The following DDX60L variants were observed in gnomAD, a reference collection of about 807,000 sequenced individuals.
The protein encoded by DDX60L is probable ATP-dependent RNA helicase DDX60-like.
In DDX60L, 191 loss-of-function variants were observed where a neutral mutation model predicts 211.6. That is an observed-to-expected ratio of 0.90 (90% CI 0.80 to 1.02). The LOEUF is 1.02. DDX60L is among the 50% of genes least tolerant of loss of function. The pLI is 0.00. For synonymous variants in DDX60L, 706 were observed against 694.1 expected, an observed-to-expected ratio of 1.02 and a Z score of -0.27; for missense variants, 2,007 against 1,984.1, an observed-to-expected ratio of 1.01 and a Z score of -0.22.
Position 168,457,952 on chromosome 4 carries a change from T to G in DDX60L, c.663A>C (p.Ile221=). The G allele has an allele frequency of 6.4e-7, 1 of 1,573,562 alleles. No homozygotes were observed. Among genetic ancestry groups the G allele is most frequent in the East Asian group, 2.3e-5 (1 of 43,834 alleles). Residue 221 remains isoleucine (I), a synonymous_variant, in exon 6 of 38, where the codon ATA becomes ATC. Coordinates refer to ENST00000682922, the MANE Select transcript of DDX60L (RefSeq NM_001012967.3). The part of the protein sequence containing the change: ...YKSLIQHLEE[I]RVLVLATHFE... ...AATGAGTTGCTAATACTAAAACCCT[T>G]ATTTCTTCCAAGTGTTGTATGAGGC...
In DDX60L at chr4:168,453,127, T is replaced by G; in HGVS notation, c.993A>C (p.Lys331Asn). The G allele has an allele frequency of 6.2e-7, 1 of 1,603,356 alleles. No homozygotes were observed. Among genetic ancestry groups the G allele is most frequent in the Non-Finnish European group, 8.5e-7 (1 of 1,175,984 alleles). Reference sequence around the variant, plus strand: ...AAAATAAACAAAATATGTTTACCATTTTTAAGAAAGAATCACTGTTCCTAA... The same window carrying G: ...AAAATAAACAAAATATGTTTACCATGTTTAAGAAAGAATCACTGTTCCTAA... ...SWIRNSDSFL[K>N]MNKWCEYFIL... The change falls in exon 8 of 38, where the codon AAA becomes AAC. Residue 331 changes from lysine (K) to asparagine (N), a missense_variant. Physicochemically the swap from Lys to Asn is moderately conservative, Grantham distance 94. Coordinates refer to ENST00000682922, the MANE Select transcript of DDX60L (RefSeq NM_001012967.3).
chr4:168,389,104 A>G (rs1052257483), intron 29 of DDX60L, among the ~76,000 whole-genome samples: 27 of 152,206 alleles, frequency 1.8e-4, no homozygotes, highest in African/African-American at 6.5e-4. Context: ...GCTTCCTGCT[A>G]TTCACAGCCT....
At chr4:168,389,836 C>T (rs1744485936) in intron 29 of DDX60L, among the ~76,000 whole-genome samples, 1 of 152,082 alleles carries the variant, frequency 6.6e-6, no homozygotes, top group African/African-American at 2.4e-5. Flanking sequence ...CATGACAAAA[C>T]TGAGATGCAT....
At position 168,471,772 on chromosome 4, in the gene DDX60L, C is replaced by G. The variant is rs372737743; in HGVS notation, c.239G>C (p.Gly80Ala). ...CYLVDLLSNG[G>A]QFTIVFFKDA... ...CTTAAAGAAAACTATGGTGAATTGT[C>G]CTCCGTTACTCAGAAGATCCACAAG... Residue 80 changes from glycine (G) to alanine (A), a missense_variant, in exon 4 of 38, where the codon GGA becomes GCA. Transcript: ENST00000682922. 3 of 1,603,340 alleles carry G rather than the reference C, an allele frequency of 1.9e-6. No individual in the cohort carries two copies. The highest frequency in any genetic ancestry group is 2.7e-5 in the African/African-American group (2 of 73,880).
chr4:168,392,455 A>G (rs937681642), intron 28 of DDX60L, among the ~76,000 whole-genome samples: 1 of 152,208 alleles, frequency 6.6e-6, no homozygotes, highest in South Asian at 2.1e-4. Flanking sequence ...AATTCAACCC[A>G]TTATTGGTTC....
intron 22 of DDX60L, among the ~76,000 whole-genome samples, chr4:168,409,390 C>T (rs1163227017): frequency 6.6e-6 from 1 of 152,134 alleles, no homozygotes; most frequent in Admixed American, 6.6e-5. Context: ...AGGTAACTTA[C>T]CTTAAATCAC....
chr4:168,406,790 C>T, intron 22 of DDX60L, 84 bp from the exon 23 acceptor site: 1 of 1,014,778 alleles, frequency 9.9e-7, no homozygotes, highest in Non-Finnish European at 1.4e-6. Context: ...CATGACTAAA[C>T]CCTCAAGTCT....
At position 168,423,797 on chromosome 4, in the gene DDX60L, T is replaced by C. The variant is rs773835097; in HGVS notation, c.1931-23A>G. On this transcript the variant is annotated intron_variant, in intron 14 of 37. Transcript: ENST00000682922. Reference sequence around the variant, plus strand: ...TGCCTTGTTAAAGAAACAATAAAATTGTTATAAAGAACACCAAAAATAACT... The same window carrying C: ...TGCCTTGTTAAAGAAACAATAAAATCGTTATAAAGAACACCAAAAATAACT... 1.1e-5 allele frequency: 16 copies of C among 1,490,038 alleles called. No homozygotes were observed. In the South Asian group the frequency reaches 1.6e-4, roughly 15 times the overall value. 92.3% of individuals were successfully genotyped at this position (1,490,038 alleles called of 1,614,324 possible). A position where few individuals can be genotyped will look rare whatever the true frequency, so the allele number is the denominator to read the frequency against.
chr4:168,449,627 AAC>A (rs1491048066), intron 8 of DDX60L, among the ~76,000 whole-genome samples: 855 of 55,968 alleles, frequency 0.015, 42 homozygotes, highest in African/African-American at 0.054. Flanking sequence ...AAAAAAAAAA[AAC>A]ATTAAAACAA....
chr4:168,441,778 G>A lies in DDX60L; in HGVS notation c.1139-286C>T, dbSNP rs554597467. Among the ~76,000 whole-genome samples the A allele has an allele frequency of 3.3e-4, 50 of 152,168 alleles. No homozygotes were observed. The South Asian group carries it at 9.6e-3, about 29-fold the overall frequency. ...GCGGGAGGATCGCTTGAGCCCAAGAGTTCAAGACCATCTGGGCAATGTACC... is the reference window on the plus strand; with the variant it reads ...GCGGGAGGATCGCTTGAGCCCAAGAATTCAAGACCATCTGGGCAATGTACC... On this transcript the variant is annotated intron_variant, in intron 9 of 37. Transcript: ENST00000682922.
chr4:168,476,866 A>G (rs1489225), intron 1 of DDX60L, among the ~76,000 whole-genome samples: 69,838 of 151,980 alleles, frequency 0.46, 17,418 homozygotes, highest in East Asian at 0.61. Flanking sequence ...CTTTCGAGAA[A>G]TAGGTATACC....
At chr4:168,374,366 C>T (rs375312678) in intron 34 of DDX60L, among the ~76,000 whole-genome samples, 2 of 152,140 alleles carry the variant, frequency 1.3e-5, no homozygotes, top group Non-Finnish European at 2.9e-5. Context: ...CCAACTATGA[C>T]TATATTAGGA....
intron 22 of DDX60L, among the ~76,000 whole-genome samples, chr4:168,415,129 G>A (rs961489748): frequency 6.6e-6 from 1 of 151,748 alleles, no homozygotes; most frequent in African/African-American, 2.4e-5. Context: ...GCTTGAGGTA[G>A]TGGATACATA....
At chr4:168,370,010 G>A (rs932142131) in intron 36 of DDX60L, among the ~76,000 whole-genome samples, 1 of 152,142 alleles carries the variant, frequency 6.6e-6, no homozygotes, top group African/African-American at 2.4e-5. Context: ...AAAACAGTGT[G>A]TAAATTCTTC....
intron 22 of DDX60L, among the ~76,000 whole-genome samples, chr4:168,414,560 T>C (rs576262446): frequency 6.6e-6 from 1 of 152,284 alleles, no homozygotes; most frequent in African/African-American, 2.4e-5. Flanking sequence ...CGGACTCTCA[T>C]GTTTATTGCA....
At chr4:168,385,370 C>G (rs190393106) in intron 29 of DDX60L, among the ~76,000 whole-genome samples, 13 of 152,296 alleles carry the variant, frequency 8.5e-5, no homozygotes, top group African/African-American at 2.9e-4. Flanking sequence ...GGCATGGAAG[C>G]TCCGTGCCCC....
At position 168,373,728 on chromosome 4, in the gene DDX60L, G is replaced by A. The variant is rs1741436231; in HGVS notation, c.4714C>T (p.Pro1572Ser). ...SCKKGRVAIS[P>S]FVCLSGNTDN... The stretch of plus-strand genomic sequence containing the variant: ...GTGTTCCCCGAAAGACAAACAAATG[G>A]TGAAATGGCTACTCTTCCTTTCTTG... The change falls in exon 35 of 38, where the codon CCA becomes TCA. Residue 1572 changes from proline (P) to serine (S), a missense_variant. Pro to Ser is a moderately conservative substitution (Grantham distance 74). Transcript: ENST00000682922. 1.9e-6 allele frequency: 3 copies of A among 1,614,006 alleles called. No individual in the cohort carries two copies. Among genetic ancestry groups the A allele is most frequent in the Non-Finnish European group, 2.5e-6 (3 of 1,179,900 alleles).
At chr4:168,388,578 C>A (rs140963443) in intron 29 of DDX60L, among the ~76,000 whole-genome samples, 2,284 of 152,292 alleles carry the variant, frequency 0.015, 19 homozygotes, top group Non-Finnish European at 0.024. Context: ...ATTATTGTCA[C>A]CATCGTACAG....
chr4:168,379,595 C>T, intron 31 of DDX60L, 91 bp from the exon 32 acceptor site: 1 of 1,171,092 alleles, frequency 8.5e-7, no homozygotes, highest in African/African-American at 1.6e-5. Context: ...TATTACCTGA[C>T]TTCATTTATT....
Sources: gnomAD v4.1 joint callset for allele counts (sites outside exome capture counted in the v4.1 genomes callset) on GRCh38, gnomAD v4.1.1 for gene constraint, MANE v1.5 for transcripts, NCBI Gene and HGNC (gene_info 2026-07-23, HGNC 2026-07-21) for gene names.